Variants in CFAP20DC observed in about 807,000 individuals in gnomAD.
CFAP20DC encodes protein CFAP20DC.
In CFAP20DC, 84 loss-of-function variants were observed where a neutral mutation model predicts 101.7. The ratio of observed to expected loss-of-function variants is 0.83; its 90% CI spans 0.69 to 0.99. The LOEUF is 0.99. CFAP20DC is among the 50% of genes least tolerant of loss of function. CFAP20DC has a pLI of 0.00. For synonymous variants in CFAP20DC, 359 were observed against 351.2 expected (o/e 1.02, Z -0.25); for missense variants, 1,007 against 970.3 (o/e 1.04, Z -0.50).
In CFAP20DC at chr3:58,860,757, A is replaced by G. The variant is rs1014730250; in HGVS notation, c.1593+2801T>C. On this transcript the variant is annotated intron_variant, in intron 12 of 16. Transcript: ENST00000482387. ...ACATAAAATACAAAATAGAGACAAT[A>G]ACAGTTGCATGCTTTCGTTTCTTTC... Among the ~76,000 whole-genome samples, 3 of 152,208 alleles carry G rather than the reference A, an allele frequency of 2.0e-5. No homozygotes were observed. In the South Asian group the frequency reaches 6.2e-4, roughly 31 times the overall value.
intron 7 of CFAP20DC, among the ~76,000 whole-genome samples, chr3:58,877,677 C>G (rs973130637): frequency 2.0e-5 from 3 of 152,126 alleles, no homozygotes; most frequent in Non-Finnish European, 4.4e-5. Flanking sequence ...CTCTGTGGAT[C>G]AGGAGGACAT....
chr3:58,972,240 C>CTA (rs1430128028), intron 4 of CFAP20DC, among the ~76,000 whole-genome samples: 1 of 152,142 alleles, frequency 6.6e-6, no homozygotes, highest in Non-Finnish European at 1.5e-5. Flanking sequence ...AATCAATAGA[C>CTA]TATCCTTCAA....
intron 5 of CFAP20DC, among the ~76,000 whole-genome samples, chr3:58,931,958 G>T (rs1200340542): frequency 2.0e-5 from 3 of 152,212 alleles, no homozygotes; most frequent in Non-Finnish European, 4.4e-5. Flanking sequence ...GAAGGCTTCA[G>T]ATGATCAAAC....
chr3:58,767,071 A>C (rs188360395), intron 15 of CFAP20DC, among the ~76,000 whole-genome samples: 2 of 152,298 alleles, frequency 1.3e-5, no homozygotes, highest in African/African-American at 4.8e-5. Flanking sequence ...TCTAGCTCCT[A>C]GTAGAGTTCC....
chr3:58,730,018 CAAAAA>C (rs769033730), intron 3 of CFAP20DC, among the ~76,000 whole-genome samples: 4 of 53,508 alleles, frequency 7.5e-5, no homozygotes, highest in Admixed American at 2.1e-4. Context: ...AACCTGTCTC[CAAAAA>C]AAAAAAAAAA....
intron 13 of CFAP20DC, among the ~76,000 whole-genome samples, chr3:58,848,187 G>A (rs1054883229): frequency 2.7e-5 from 4 of 147,618 alleles, no homozygotes; most frequent in African/African-American, 9.9e-5. Context: ...AAAGGGCTTG[G>A]TACAGAGACT....
At position 58,874,586 on chromosome 3, in the gene CFAP20DC, C is replaced by G. The variant is rs2080573898; in HGVS notation, c.716-4277G>C. ...AGACGGGCCTTCTCAGTTCTTCCTG[C>G]CTACTAGAGTGTTTGTGTATGCTGT... On this transcript the variant is annotated intron_variant, in intron 7 of 16. Coordinates refer to ENST00000482387, the MANE Select transcript of CFAP20DC (RefSeq NM_001394063.1). This position sits in a 1 kb window ranked among gnomAD's most constrained non-coding sequence, Gnocchi z 5.1. Among the ~76,000 whole-genome samples, 1 of 152,142 alleles carries G rather than the reference C, an allele frequency of 6.6e-6. No individual in the cohort carries two copies. Among genetic ancestry groups the G allele is most frequent in the Non-Finnish European group, 1.5e-5 (1 of 68,020 alleles).
At chr3:58,870,617 G>A (rs1304496851) in intron 7 of CFAP20DC, among the ~76,000 whole-genome samples, 3 of 150,504 alleles carry the variant, frequency 2.0e-5, no homozygotes, top group Admixed American at 6.6e-5. Context: ...GGCCGGGCGC[G>A]GTGGCTCACG....
chr3:58,997,853 T>C (rs2093184408), intron 4 of CFAP20DC, among the ~76,000 whole-genome samples: 1 of 152,192 alleles, frequency 6.6e-6, no homozygotes, highest in Admixed American at 6.5e-5. Context: ...ATGTACAGAC[T>C]GTAGGGTCTG....
At chr3:58,930,918 G>A (rs554555305) in intron 5 of CFAP20DC, among the ~76,000 whole-genome samples, 217 of 152,246 alleles carry the variant, frequency 1.4e-3, no homozygotes, top group Middle Eastern at 6.8e-3. Context: ...GACAGTGGGC[G>A]CAGGACAGTG....
chr3:58,729,226 T>C lies in CFAP20DC; in HGVS notation c.198-11598A>G, dbSNP rs1386440488. On this transcript the variant is annotated intron_variant, in intron 3 of 3. Coordinates refer to the CFAP20DC transcript ENST00000486145. The surrounding 1 kb of genome is among the most constrained non-coding windows in gnomAD (Gnocchi z 4.4). ...TTTAGGGTAATGTGTTATGCAGCAA[T>C]AGACAACTAATATAATATTTTAATT... 6.6e-6 allele frequency among the ~76,000 whole-genome samples: 1 copy of C among 152,234 alleles called. No homozygotes were observed. The highest frequency in any genetic ancestry group is 2.4e-5 in the African/African-American group (1 of 41,470).
intron 13 of CFAP20DC, among the ~76,000 whole-genome samples, chr3:58,842,290 G>C (rs573690848): frequency 6.6e-6 from 1 of 152,110 alleles, no homozygotes; most frequent in African/African-American, 2.4e-5. Context: ...GACAGTGGGC[G>C]CAGGCCAGTG....
At chr3:59,035,546 C>T (rs1263661552) in intron 4 of CFAP20DC, among the ~76,000 whole-genome samples, 2 of 152,166 alleles carry the variant, frequency 1.3e-5, no homozygotes, top group Non-Finnish European at 2.9e-5. Context: ...AAACTATCAT[C>T]AGAGAATACT....
intron 5 of CFAP20DC, among the ~76,000 whole-genome samples, chr3:58,917,974 C>A (rs966904358): frequency 6.6e-6 from 1 of 152,120 alleles, no homozygotes; most frequent in Non-Finnish European, 1.5e-5. Flanking sequence ...CCATGTGTAC[C>A]TCCCAATTCC....
chr3:58,895,536 C>T (rs942592777), intron 6 of CFAP20DC, among the ~76,000 whole-genome samples: 2 of 152,222 alleles, frequency 1.3e-5, no homozygotes, highest in African/African-American at 2.4e-5. Context: ...TTGTCCATAT[C>T]GCTATCAGCA....
chr3:58,959,942 C>A (rs1241966688), intron 4 of CFAP20DC, among the ~76,000 whole-genome samples: 2 of 152,172 alleles, frequency 1.3e-5, no homozygotes, highest in East Asian at 1.9e-4. Context: ...TTTCAGCATA[C>A]AAATCTTGCA....
intron 14 of CFAP20DC, among the ~76,000 whole-genome samples, chr3:58,821,353 AG>A (rs1175622307): frequency 5.9e-5 from 9 of 152,106 alleles, no homozygotes; most frequent in Non-Finnish European, 1.3e-4. Flanking sequence ...CAGAGTGAAC[AG>A]GCAACCTACA....
intron 6 of CFAP20DC, among the ~76,000 whole-genome samples, chr3:58,891,914 C>G (rs914321540): frequency 6.6e-6 from 1 of 152,100 alleles, no homozygotes; most frequent in Non-Finnish European, 1.5e-5. Flanking sequence ...CAAATCTTTG[C>G]CTGTGTCTTG....
intron 7 of CFAP20DC, among the ~76,000 whole-genome samples, chr3:58,872,168 A>G (rs913752585): frequency 3.3e-5 from 5 of 152,290 alleles, no homozygotes; most frequent in Non-Finnish European, 7.4e-5. Context: ...ACCCACCTGT[A>G]AGACAGGACC....
Sources: gnomAD v4.1 joint callset for allele counts (sites outside exome capture counted in the v4.1 genomes callset) on GRCh38, gnomAD v4.1.1 for gene constraint, Gnocchi (gnomAD v3.1) non-coding constraint, MANE v1.5 for transcripts, NCBI Gene and HGNC (gene_info 2026-07-23, HGNC 2026-07-21) for gene names.